The following NEMF variants were observed in gnomAD, a reference collection of about 807,000 sequenced individuals.
The protein encoded by NEMF is ribosome quality control complex subunit NEMF.
A neutral mutation model predicts 162.2 loss-of-function variants in NEMF; 89 were observed. That is an observed-to-expected ratio of 0.55 (90% confidence interval 0.46 to 0.65). NEMF has a LOEUF of 0.65. Among genes scored for constraint, NEMF ranks in the 30% least tolerant of loss-of-function variants. The pLI, the probability that NEMF is intolerant of heterozygous loss-of-function variation, is 0.00. For missense variants in NEMF, 1,133 were observed against 1,261.9 expected, an observed-to-expected ratio of 0.90 and a Z score of 1.55; for synonymous variants, 421 against 404.5, an observed-to-expected ratio of 1.04 and a Z score of -0.49.
chr14:49,851,600 C>T lies in NEMF; in HGVS notation c.194G>A (p.Trp65Ter). Residue 65 changes from tryptophan to a stop codon, truncating the protein, a stop_gained, in exon 3 of 33, where the codon TGG (tryptophan) becomes TAG (stop). Coordinates refer to ENST00000298310, the MANE Select transcript of NEMF (RefSeq NM_004713.6). LOFTEE classifies it high-confidence loss of function. ...ACTAGACGGCATCATATTCTTAGGC[C>T]ACTCAAATTCTGTTGTATGAATTCG... ...GIRIHTTEFEWPKNMMPSSFA... is the reference protein window; with the variant it reads ...GIRIHTTEFE The T allele has an allele frequency of 6.2e-7, 1 of 1,613,742 alleles. No homozygotes were observed. Among genetic ancestry groups the T allele is most frequent in the South Asian group, 1.1e-5 (1 of 91,078 alleles).
At chr14:49,796,224 CCT>C in intron 25 of NEMF, 1 of 512,696 alleles carries the variant, frequency 2.0e-6, no homozygotes, top group Non-Finnish European at 3.8e-6. Context: ...ACATTTTGCC[CCT>C]GATCACCTTG....
At chr14:49,808,176 A>C (rs1269553411) in intron 18 of NEMF, among the ~76,000 whole-genome samples, 1 of 151,292 alleles carries the variant, frequency 6.6e-6, no homozygotes, top group Non-Finnish European at 1.5e-5. Context: ...GGTTTTATTT[A>C]TTTATTTTAT....
At chr14:49,851,765 C>T (rs761113201) in intron 2 of NEMF, 42 bp downstream of exon 2, 8 of 1,462,372 alleles carry the variant, frequency 5.5e-6, no homozygotes, top group Non-Finnish European at 4.8e-6. Flanking sequence ...TAATCTCATA[C>T]TTAATTGTCA....
chr14:49,805,093 A>T (rs987225320), intron 19 of NEMF, among the ~76,000 whole-genome samples: 1 of 152,172 alleles, frequency 6.6e-6, no homozygotes, highest in Non-Finnish European at 1.5e-5. Context: ...CATTCTAAAA[A>T]ATTTCTTAAT....
At chr14:49,805,408 A>T (rs1335706142) in intron 19 of NEMF, among the ~76,000 whole-genome samples, 1 of 152,130 alleles carries the variant, frequency 6.6e-6, no homozygotes, top group African/African-American at 2.4e-5. Context: ...CATGCCTGTA[A>T]TCTCAGCATT....
At chr14:49,850,710 T>TG (rs1486809260) in intron 3 of NEMF, among the ~76,000 whole-genome samples, 3 of 148,246 alleles carry the variant, frequency 2.0e-5, no homozygotes, top group African/African-American at 5.0e-5. Context: ...CAGTGAGTAT[T>TG]CCAAAAAAAA....
At chr14:49,821,345 CGTCCGGG>C (rs1892027512) in intron 16 of NEMF, among the ~76,000 whole-genome samples, 2 of 7,806 alleles carry the variant, frequency 2.6e-4, no homozygotes, top group African/African-American at 2.8e-4. Flanking sequence ...CCAGCCGCCC[CGTCCGGG>C]AGGGAGGTGG....
chr14:49,807,635 C>G lies in NEMF; in HGVS notation c.1745-1502G>C, dbSNP rs1283478322. Among the ~76,000 whole-genome samples, 3 of 122,620 alleles carry G rather than the reference C, an allele frequency of 2.4e-5. No individual in the cohort carries two copies. In the Admixed American group the frequency reaches 2.9e-4, roughly 12 times the overall value. The allele number at this position is 122,620 out of a possible 152,430, so 80.4% of individuals were successfully genotyped here. The stretch of plus-strand genomic sequence containing the variant: ...TTTTGAGACGGAGTCTCTCTCTTTT[C>G]ACCCCGGCTGGAGTGCAGTGGCGTG... On this transcript the variant is annotated intron_variant, in intron 18 of 32. Coordinates refer to ENST00000298310, the MANE Select transcript of NEMF (RefSeq NM_004713.6).
At chr14:49,785,055 G>A in intron 31 of NEMF, 37 bp downstream of exon 31, 2 of 1,606,782 alleles carry the variant, frequency 1.2e-6, no homozygotes, top group Non-Finnish European at 1.7e-6. Flanking sequence ...TCACTGAACT[G>A]TTTAAAATCA....
intron 8 of NEMF, 56 bp from the exon 9 acceptor site, chr14:49,832,333 C>T (rs1892684006): frequency 1.2e-6 from 1 of 814,308 alleles, no homozygotes; most frequent in Non-Finnish European, 1.9e-6. Flanking sequence ...AGATTTACTT[C>T]TTTTTTTTTT....
At chr14:49,836,846 A>T (rs1326470876) in intron 6 of NEMF, among the ~76,000 whole-genome samples, 1 of 152,230 alleles carries the variant, frequency 6.6e-6, no homozygotes, top group Non-Finnish European at 1.5e-5. Context: ...AAATCTAAAC[A>T]CAAAATTCAT....
intron 25 of NEMF, among the ~76,000 whole-genome samples, chr14:49,796,633 G>A (rs952303144): frequency 6.6e-6 from 1 of 152,188 alleles, no homozygotes; most frequent in Non-Finnish European, 1.5e-5. Context: ...TTATAGGCGT[G>A]AGCCACCACA....
chr14:49,849,939 G>C (rs35528205), intron 3 of NEMF, among the ~76,000 whole-genome samples: 24,538 of 152,080 alleles, frequency 0.16, 2,299 homozygotes, highest in Non-Finnish European at 0.21. Flanking sequence ...TACCTAATTT[G>C]TAATCCAAAA....
rs746711593 is a variant in NEMF at position 49,800,610 on chromosome 14, C to T, written c.2182G>A (p.Asp728Asn). The change falls in exon 23 of 33, where the codon GAT (aspartate) becomes AAT (asparagine). Residue 728 changes from aspartate to asparagine, a missense_variant. Physicochemically the swap from Asp to Asn is conservative, Grantham distance 23 (BLOSUM62 1). Around this residue, in one of 3 missense-constraint regions of NEMF, gnomAD observed 532 missense variants for 578.6 expected, o/e 0.92. Coordinates refer to ENST00000298310, the MANE Select transcript of NEMF (RefSeq NM_004713.6). ...VELMTQVDQE[D>N]ITLQSGRDEL... ...TCTCTGCCACTCTGAAGAGTGATAT[C>T]CTCTTGGTCAACCTGAGTCATGAGT... 6.2e-7 allele frequency: 1 copy of T among 1,613,820 alleles called. No homozygotes were observed. The highest frequency in any genetic ancestry group is 1.1e-5 in the South Asian group (1 of 91,074).
chr14:49,831,292 T>C lies in NEMF; in HGVS notation c.945+7A>G, dbSNP rs1892622587. ...CTGGTTTAATATGTGTTTTTAATAA[T>C]ACATACCTGTTGTAAAGCTTTTAAG... On this transcript the variant is annotated splice_region_variant and intron_variant, in intron 11 of 32. Transcript: ENST00000298310. The C allele has an allele frequency of 6.7e-7, 1 of 1,493,058 alleles. No homozygotes were observed. The highest frequency in any genetic ancestry group is 1.7e-5 in the Admixed American group (1 of 59,552). The allele number at this position is 1,493,058 out of a possible 1,614,324, so 92.5% of individuals were successfully genotyped here. A position where few individuals can be genotyped will look rare whatever the true frequency, so the allele number is the denominator to read the frequency against.
At chr14:49,791,481 G>T (rs1313750371) in intron 26 of NEMF, among the ~76,000 whole-genome samples, 1 of 151,906 alleles carries the variant, frequency 6.6e-6, no homozygotes, top group African/African-American at 2.4e-5. Flanking sequence ...GCTCACGCCT[G>T]TAATCCCAGC....
At position 49,840,748 on chromosome 14, in the gene NEMF, C is replaced by G. The variant is rs1422818951; in HGVS notation, c.476G>C (p.Arg159Thr). 6.2e-7 allele frequency: 1 copy of G among 1,613,714 alleles called. No individual in the cohort carries two copies. Among genetic ancestry groups the G allele is most frequent in the Admixed American group, 1.7e-5 (1 of 59,916 alleles). The change falls in exon 5 of 33, where the codon AGA becomes ACA. Residue 159 changes from arginine (R) to threonine (T), a missense_variant. Arg to Thr is a moderately conservative substitution (Grantham distance 71). This residue lies in a region of NEMF where 582 missense variants were observed against 631.5 expected (regional missense o/e 0.92). Transcript: ENST00000298310. ...VRERYPLDHA[R>T]AAEPLLTLER... ...CAAAGTAAGCAAAGGTTCAGCAGCT[C>G]TAGCATGATCAAGTGGATAGCGTTC... is the stretch of plus-strand genomic sequence containing the variant.
At chr14:49,836,216 T>TTGC (rs1892895471) in intron 6 of NEMF, among the ~76,000 whole-genome samples, 1 of 151,898 alleles carries the variant, frequency 6.6e-6, no homozygotes. Flanking sequence ...GAAATGGAGG[T>TTGC]TGCAGTGAGC....
intron 17 of NEMF, among the ~76,000 whole-genome samples, chr14:49,814,376 T>C (rs1218469667): frequency 6.6e-6 from 1 of 152,186 alleles, no homozygotes; most frequent in Non-Finnish European, 1.5e-5. Flanking sequence ...GTGGCTGAGA[T>C]TACAGGCGTG....
Sources: allele counts gnomAD v4.1 joint callset (sites outside exome capture counted in the v4.1 genomes callset), GRCh38; gene constraint gnomAD v4.1.1; regional missense constraint gnomAD v4.1.1; transcripts MANE v1.5; gene names NCBI Gene and HGNC (gene_info 2026-07-23, HGNC 2026-07-21).